GRM5: variants seen among roughly 807,000 people sequenced by gnomAD.
GRM5 encodes glutamate metabotropic receptor 5.
In GRM5, 19 loss-of-function variants were observed where a neutral mutation model predicts 83.1. That is an observed-to-expected ratio of 0.23 (90% confidence interval 0.16 to 0.34). GRM5 has a LOEUF of 0.34. Ranked by LOEUF, GRM5 falls within the 10% of genes least tolerant of loss-of-function variation. The probability of loss-of-function intolerance (pLI) is 1.00; values close to 1 mark genes in which losing one functional copy is unlikely to be tolerated. For missense variants in GRM5, 1,160 were observed against 1,588.3 expected, an observed-to-expected ratio of 0.73 and a Z score of 4.58; for synonymous variants, 675 against 633.6, an observed-to-expected ratio of 1.07 and a Z score of -0.98.
intron 2 of GRM5, among the ~76,000 whole-genome samples, chr11:88,914,338 C>T (rs574803403): frequency 6.6e-6 from 1 of 152,296 alleles, no homozygotes; most frequent in South Asian, 2.1e-4. Flanking sequence ...CTCCCAAGAA[C>T]TGGAGATATA....
chr11:88,948,685 A>G (rs967000650), intron 2 of GRM5, among the ~76,000 whole-genome samples: 7 of 152,182 alleles, frequency 4.6e-5, no homozygotes, highest in Non-Finnish European at 1.0e-4. Flanking sequence ...TTTTATTTTC[A>G]TTGTTAGAAA....
chr11:88,862,571 T>C (rs1944583938), intron 2 of GRM5, among the ~76,000 whole-genome samples: 1 of 152,182 alleles, frequency 6.6e-6, no homozygotes, highest in African/African-American at 2.4e-5. Flanking sequence ...TAAAATTTAA[T>C]GTTTGTCTTT....
intron 2 of GRM5, among the ~76,000 whole-genome samples, chr11:88,879,645 C>A (rs1430670056): frequency 6.6e-6 from 1 of 151,822 alleles, no homozygotes; most frequent in African/African-American, 2.4e-5. Flanking sequence ...CATCACCTTT[C>A]TGTATTTATA....
chr11:88,999,409 C>T (rs184600209), intron 2 of GRM5, among the ~76,000 whole-genome samples: 102 of 152,098 alleles, frequency 6.7e-4, no homozygotes, highest in African/African-American at 2.3e-3. Flanking sequence ...GAAACAACTC[C>T]ATCAAAAAGT....
At chr11:88,884,593 TAGA>T (rs1469753895) in intron 2 of GRM5, among the ~76,000 whole-genome samples, 1 of 151,990 alleles carries the variant, frequency 6.6e-6, no homozygotes, top group Non-Finnish European at 1.5e-5. Context: ...GGGTAAGAGG[TAGA>T]ATGACACAGT....
intron 3 of GRM5, among the ~76,000 whole-genome samples, chr11:88,755,944 A>G (rs186537014): frequency 5.5e-4 from 84 of 152,238 alleles, no homozygotes; most frequent in African/African-American, 1.9e-3. Flanking sequence ...TTTCTTACTA[A>G]AACAAAAGCC....
intron 2 of GRM5, among the ~76,000 whole-genome samples, chr11:88,886,923 C>T (rs1398792707): frequency 6.6e-6 from 1 of 152,058 alleles, no homozygotes; most frequent in East Asian, 1.9e-4. Flanking sequence ...AGAGGGTCAC[C>T]CTCACCACAG....
intron 2 of GRM5, among the ~76,000 whole-genome samples, chr11:88,865,953 T>C (rs2135556012): frequency 6.6e-6 from 1 of 152,176 alleles, no homozygotes; most frequent in Non-Finnish European, 1.5e-5. Flanking sequence ...TTTTACACTG[T>C]TGGTGGAAGT....
chr11:88,891,132 A>T (rs913480516), intron 2 of GRM5, among the ~76,000 whole-genome samples: 1 of 152,002 alleles, frequency 6.6e-6, no homozygotes, highest in African/African-American at 2.4e-5. Flanking sequence ...GTTTGTAAGG[A>T]TTTCATCTCA....
chr11:88,561,883 T>C (rs11828996), intron 8 of GRM5, among the ~76,000 whole-genome samples: 31,835 of 151,978 alleles, frequency 0.21, 3,473 homozygotes, highest in Non-Finnish European at 0.24. Flanking sequence ...TCACAGAAAA[T>C]TGTTGGATCT....
intron 2 of GRM5, among the ~76,000 whole-genome samples, chr11:89,015,714 A>C (rs1250659079): frequency 1.3e-5 from 2 of 152,268 alleles, no homozygotes; most frequent in African/African-American, 4.8e-5. Flanking sequence ...TGTACATTGA[A>C]CTTTTCATTA....
chr11:88,570,784 G>A (rs1029212443), intron 7 of GRM5, among the ~76,000 whole-genome samples: 2 of 150,842 alleles, frequency 1.3e-5, no homozygotes, highest in Non-Finnish European at 3.0e-5. Context: ...GGCCAGGCTG[G>A]TCGAACTCCT....
At chr11:88,524,810 G>T (rs936894981) in intron 9 of GRM5, among the ~76,000 whole-genome samples, 1 of 152,220 alleles carries the variant, frequency 6.6e-6, no homozygotes, top group Admixed American at 6.5e-5. Flanking sequence ...CAAGGCATTT[G>T]CCCTTGGCTG....
chr11:88,610,126 G>A (rs1441529043), intron 4 of GRM5, among the ~76,000 whole-genome samples: 1 of 152,124 alleles, frequency 6.6e-6, no homozygotes, highest in African/African-American at 2.4e-5. Context: ...TGCTGTTTGG[G>A]TTGCTGTAGC....
chr11:88,894,629 G>A (rs1392200532), intron 2 of GRM5, among the ~76,000 whole-genome samples: 2 of 151,450 alleles, frequency 1.3e-5, no homozygotes, highest in African/African-American at 4.8e-5. Flanking sequence ...GAACTTAATG[G>A]CAGAATCGGT....
chr11:88,830,086 T>G (rs1943959639), intron 3 of GRM5, among the ~76,000 whole-genome samples: 1 of 151,140 alleles, frequency 6.6e-6, no homozygotes, highest in Non-Finnish European at 1.5e-5. Context: ...AAAGAGATAA[T>G]GGAAAGAAGA....
chr11:88,587,778 C>T (rs1340425517), intron 7 of GRM5, among the ~76,000 whole-genome samples: 1 of 152,144 alleles, frequency 6.6e-6, no homozygotes, highest in Non-Finnish European at 1.5e-5. Context: ...TAGCTGAGTT[C>T]TCCCCAGCTA....
At chr11:88,888,728 A>G (rs1945088438) in intron 2 of GRM5, among the ~76,000 whole-genome samples, 2 of 152,176 alleles carry the variant, frequency 1.3e-5, no homozygotes, top group South Asian at 4.1e-4. Context: ...GTTTTAATTA[A>G]TGAGAAAGGA....
intron 2 of GRM5, among the ~76,000 whole-genome samples, chr11:89,001,401 C>T (rs1207375177): frequency 6.6e-6 from 1 of 152,078 alleles, no homozygotes; most frequent in Non-Finnish European, 1.5e-5. Flanking sequence ...ATACAGCCAA[C>T]AACCTATATA....
Sources: allele counts gnomAD v4.1 joint callset (sites outside exome capture counted in the v4.1 genomes callset), GRCh38; gene constraint gnomAD v4.1.1; transcripts MANE v1.5; gene names NCBI Gene and HGNC (gene_info 2026-07-23, HGNC 2026-07-21).